SHANK2: variants seen among roughly 807,000 people sequenced by gnomAD.
The protein encoded by SHANK2 is SH3 and multiple ankyrin repeat domains 2, also known as SH3 and multiple ankyrin repeat domains protein 2.
In SHANK2, 43 loss-of-function variants were observed where a neutral mutation model predicts 133.7. That is an observed-to-expected ratio of 0.32 (90% CI 0.25 to 0.41). SHANK2 has a LOEUF of 0.41. SHANK2 is among the 10% of genes least tolerant of loss of function. The pLI is 1.00. For missense variants in SHANK2, 1,994 were observed against 2,235.8 expected, an observed-to-expected ratio of 0.89 and a Z score of 2.18; for synonymous variants, 1,017 against 952.8, an observed-to-expected ratio of 1.07 and a Z score of -1.24.
At chr11:70,495,715 A>T (rs2058960319) in intron 21 of SHANK2, 1 of 169,898 alleles carries the variant, frequency 5.9e-6, no homozygotes, top group Non-Finnish European at 1.3e-5. Context: ...GGGGTGCAGC[A>T]GCATGTACCT....
intron 17 of SHANK2, among the ~76,000 whole-genome samples, chr11:70,552,741 T>C (rs1565123985): frequency 6.6e-6 from 1 of 152,150 alleles, no homozygotes; most frequent in Non-Finnish European, 1.5e-5. Context: ...AGTCACCGTG[T>C]CCAGCTGCAT....
At chr11:70,514,398 C>T (rs1273282659) in intron 17 of SHANK2, among the ~76,000 whole-genome samples, 2 of 152,162 alleles carry the variant, frequency 1.3e-5, no homozygotes, top group Non-Finnish European at 1.5e-5. Context: ...TGAAGTGAAG[C>T]GGGACTGGAT....
chr11:70,536,188 C>T (rs2059541134), intron 17 of SHANK2, among the ~76,000 whole-genome samples: 1 of 152,234 alleles, frequency 6.6e-6, no homozygotes, highest in African/African-American at 2.4e-5. Context: ...GGCCTCACTG[C>T]CCGGCTCTGT....
intron 14 of SHANK2, among the ~76,000 whole-genome samples, chr11:70,764,101 C>CCATCCATCCCT (rs1565300687): frequency 1.2e-5 from 1 of 83,474 alleles, no homozygotes; most frequent in African/African-American, 5.4e-5. Flanking sequence ...CATCCATCCA[C>CCATCCATCCCT]CCACCCACCC....
chr11:70,871,898 G>A (rs574277638), intron 11 of SHANK2, among the ~76,000 whole-genome samples: 3 of 152,270 alleles, frequency 2.0e-5, no homozygotes, highest in African/African-American at 4.8e-5. Context: ...TAACAACACC[G>A]TCTTGAAAGA....
chr11:70,572,183 G>A (rs369848364), intron 17 of SHANK2, among the ~76,000 whole-genome samples: 50 of 152,322 alleles, frequency 3.3e-4, no homozygotes, highest in African/African-American at 1.1e-3. Flanking sequence ...GTTTTGAGAC[G>A]GAGTCTCACT....
At chr11:70,711,547 C>A (rs1462573566) in intron 14 of SHANK2, among the ~76,000 whole-genome samples, 1 of 152,242 alleles carries the variant, frequency 6.6e-6, no homozygotes, top group East Asian at 1.9e-4. Context: ...GTGCCGCAGG[C>A]AGGAATGCTA....
chr11:70,755,999 G>A (rs515675), intron 14 of SHANK2, among the ~76,000 whole-genome samples: 81,654 of 151,700 alleles, frequency 0.54, 22,131 homozygotes, highest in African/African-American at 0.62. Flanking sequence ...ACCGAGCCCC[G>A]GACCCCACTG....
At chr11:70,913,805 T>C (rs934286790) in intron 10 of SHANK2, among the ~76,000 whole-genome samples, 6 of 152,204 alleles carry the variant, frequency 3.9e-5, no homozygotes, top group African/African-American at 7.2e-5. Context: ...CATGGTGTCA[T>C]TGCCGGATGG....
intron 2 of SHANK2, among the ~76,000 whole-genome samples, chr11:71,202,397 G>A (rs899148661): frequency 2.0e-5 from 3 of 152,198 alleles, no homozygotes; most frequent in East Asian, 1.9e-4. Flanking sequence ...CCTACCTGGC[G>A]GGTGGGCAGG....
At chr11:70,549,453 C>T (rs2059736962) in intron 17 of SHANK2, among the ~76,000 whole-genome samples, 1 of 152,234 alleles carries the variant, frequency 6.6e-6, no homozygotes, top group Non-Finnish European at 1.5e-5. Flanking sequence ...AATGGAGCTG[C>T]CTGCTTCCTC....
intron 12 of SHANK2, among the ~76,000 whole-genome samples, chr11:70,809,436 C>T (rs183623018): frequency 6.6e-6 from 1 of 152,192 alleles, no homozygotes; most frequent in Non-Finnish European, 1.5e-5. Flanking sequence ...ATAAGCCTCC[C>T]CCTGATCACC....
At chr11:70,848,760 CACGTCCAGT>C (rs1949038467) in intron 11 of SHANK2, among the ~76,000 whole-genome samples, 2 of 152,128 alleles carry the variant, frequency 1.3e-5, no homozygotes, top group Non-Finnish European at 2.9e-5. Flanking sequence ...AGGGATGTAC[CACGTCCAGT>C]GATGCAAGCC....
chr11:70,655,140 A>G (rs2134235183), intron 17 of SHANK2, among the ~76,000 whole-genome samples: 1 of 152,326 alleles, frequency 6.6e-6, no homozygotes, highest in African/African-American at 2.4e-5. Flanking sequence ...CTTGTTACAT[A>G]CTACCACATT....
rs2059065221 is a variant in SHANK2, at chr11:70,502,244, A to C, written c.2240T>G (p.Leu747Arg). The C allele has an allele frequency of 2.6e-6, 4 of 1,559,042 alleles. No homozygotes were observed. Among genetic ancestry groups the C allele is most frequent in the South Asian group, 1.2e-5 (1 of 84,810 alleles). The part of the protein sequence containing the change: ...PKRAPTTALT[L>R]RSKSMTSELE... The stretch of plus-strand genomic sequence containing the variant: ...CTCCGAGGTCATGGACTTGGAGCGC[A>C]GGGTGAGGGCTGTGGTCGGTGCCCG... Residue 747 changes from leucine (L) to arginine (R), a missense_variant, in exon 19 of 26, where the codon CTG (leucine) becomes CGG (arginine). Leu to Arg is a moderately radical substitution (Grantham distance 102). Coordinates refer to ENST00000601538, the MANE Select transcript of SHANK2 (RefSeq NM_012309.5).
At chr11:70,676,462 T>C (rs1555017215) in intron 15 of SHANK2, among the ~76,000 whole-genome samples, 1 of 152,124 alleles carries the variant, frequency 6.6e-6, no homozygotes, top group African/African-American at 2.4e-5. Context: ...GGGGACATCA[T>C]ACTTGGAGCT....
At chr11:71,215,428 T>A (rs1555119655) in intron 2 of SHANK2, among the ~76,000 whole-genome samples, 1 of 152,206 alleles carries the variant, frequency 6.6e-6, no homozygotes, top group African/African-American at 2.4e-5. Context: ...CACCCCTGGC[T>A]GCCCATCAGC....
intron 17 of SHANK2, among the ~76,000 whole-genome samples, chr11:70,552,867 CAG>C (rs1313743859): frequency 6.6e-6 from 1 of 152,124 alleles, no homozygotes; most frequent in Non-Finnish European, 1.5e-5. Context: ...GCTGCCCTAA[CAG>C]AGCACAGACA....
chr11:70,729,090 G>A (rs552549242), intron 14 of SHANK2, among the ~76,000 whole-genome samples: 3 of 152,012 alleles, frequency 2.0e-5, no homozygotes, highest in African/African-American at 7.2e-5. Context: ...TGTAATCCCA[G>A]CTACTTGGGA....
Sources: allele counts gnomAD v4.1 joint callset (sites outside exome capture counted in the v4.1 genomes callset), GRCh38; gene constraint gnomAD v4.1.1; transcripts MANE v1.5; gene names NCBI Gene and HGNC (gene_info 2026-07-23, HGNC 2026-07-21).